The following P4HA1 variants were observed in gnomAD, a reference collection of about 807,000 sequenced individuals.
The protein encoded by P4HA1 is prolyl 4-hydroxylase subunit alpha 1, also known as prolyl 4-hydroxylase subunit alpha-1.
A neutral mutation model predicts 72.8 loss-of-function variants in P4HA1; 24 were observed. The observed-to-expected ratio is 0.33, with a 90% confidence interval of 0.24 to 0.46. P4HA1 has a LOEUF of 0.46. Ranked by LOEUF, P4HA1 falls within the 20% of genes least tolerant of loss-of-function variation. The pLI, the probability that P4HA1 is intolerant of heterozygous loss-of-function variation, is 1.00. For synonymous variants in P4HA1, 201 were observed against 218.8 expected, an observed-to-expected ratio of 0.92 and a Z score of 0.72; for missense variants, 446 against 640.6, an observed-to-expected ratio of 0.70 and a Z score of 3.28.
In P4HA1 at chr10:73,011,013, C is replaced by T; in HGVS notation, c.1393G>A (p.Ala465Thr). 3 of 1,613,656 alleles carry T rather than the reference C, an allele frequency of 1.9e-6. No individual in the cohort carries two copies. The highest frequency in any genetic ancestry group is 2.5e-6 in the Non-Finnish European group (3 of 1,179,674). Reference sequence around the variant, plus strand: ...GCTCCAACTTCAGGAAAAACAGTGGCTCCTCCTGCAGACACATCACTCATC... The same window carrying T: ...GCTCCAACTTCAGGAAAAACAGTGGTTCCTCCTGCAGACACATCACTCATC... ...FYMSDVSAGG[A>T]TVFPEVGASV... The change falls in exon 13 of 15, where the codon GCC becomes ACC. Residue 465 changes from alanine to threonine, a missense_variant. Physicochemically the swap from Ala to Thr is moderately conservative, Grantham distance 58. Transcript: ENST00000394890.
chr10:73,054,195 C>A (rs1428600596), intron 5 of P4HA1, among the ~76,000 whole-genome samples: 3 of 152,130 alleles, frequency 2.0e-5, no homozygotes, highest in Admixed American at 2.0e-4. Context: ...CATAAGCCAC[C>A]GCGCCCGGCC....
chr10:73,044,089 G>A (rs543328525), intron 9 of P4HA1: 2 of 510,406 alleles, frequency 3.9e-6, no homozygotes, highest in East Asian at 3.0e-5. Context: ...TAATGGTCTC[G>A]AATCCACAAA....
chr10:73,084,586 T>C (rs1841888660), intron 1 of P4HA1, among the ~76,000 whole-genome samples: 1 of 152,182 alleles, frequency 6.6e-6, no homozygotes, highest in African/African-American at 2.4e-5. Flanking sequence ...TGTGCTGGGA[T>C]TACAGATGTG....
At chr10:73,031,190 G>A (rs564330764) in intron 9 of P4HA1, among the ~76,000 whole-genome samples, 1 of 152,228 alleles carries the variant, frequency 6.6e-6, no homozygotes, top group African/African-American at 2.4e-5. Flanking sequence ...TCACAAAAAG[G>A]AATAAAGTAC....
At chr10:73,093,842 C>CAAAAAAAA (rs1157986784) in intron 1 of P4HA1, among the ~76,000 whole-genome samples, 2 of 14,014 alleles carry the variant, frequency 1.4e-4, no homozygotes, top group African/African-American at 3.3e-4. Context: ...AACTCCATCT[C>CAAAAAAAA]AAAAAAAAAA....
At chr10:73,047,549 CAAAAAAAAAAAA>C (rs1167975608) in intron 7 of P4HA1, among the ~76,000 whole-genome samples, 5 of 59,120 alleles carry the variant, frequency 8.5e-5, no homozygotes, top group Admixed American at 2.0e-4. Context: ...ATGCTTGTGG[CAAAAAAAAAAAA>C]AAAAAAAAAG....
chr10:73,043,772 C>A, intron 9 of P4HA1: 1 of 785,254 alleles, frequency 1.3e-6, no homozygotes, highest in Non-Finnish European at 2.2e-6. Flanking sequence ...TATTATCAAA[C>A]ATCTATGCCT....
At chr10:73,016,686 A>G (rs1174979381) in intron 11 of P4HA1, among the ~76,000 whole-genome samples, 160 bp downstream of exon 11, 1 of 152,222 alleles carries the variant, frequency 6.6e-6, no homozygotes, top group Non-Finnish European at 1.5e-5. Flanking sequence ...CTGAGGTAGG[A>G]GAATTGCTCC....
chr10:73,029,070 T>C (rs1840368245), intron 10 of P4HA1, among the ~76,000 whole-genome samples: 1 of 151,936 alleles, frequency 6.6e-6, no homozygotes, highest in African/African-American at 2.4e-5. Flanking sequence ...AAGTATCACC[T>C]TTCTAATGAA....
intron 5 of P4HA1, among the ~76,000 whole-genome samples, chr10:73,067,339 A>G (rs766179991): frequency 5.3e-5 from 8 of 152,276 alleles, no homozygotes; most frequent in Middle Eastern, 3.4e-3. Flanking sequence ...CTTGGCCCCA[A>G]CCCAATCTCC....
Position 73,063,388 on chromosome 10 carries a change from C to G in P4HA1, c.463+5458G>C, listed in dbSNP as rs372598326. Among the ~76,000 whole-genome samples the G allele has an allele frequency of 1.1e-4, 17 of 152,310 alleles. No homozygotes were observed. The South Asian group carries it at 2.5e-3, about 22-fold the overall frequency. On this transcript the variant is annotated intron_variant, in intron 5 of 14. Transcript: ENST00000394890. The stretch of plus-strand genomic sequence containing the variant: ...AGCCTCTTTCATAAGGGCCTTAAAT[C>G]CCATTCCTGTAGGCCCCACCTCTTA...
intron 13 of P4HA1, 146 bp from the exon 14 acceptor site, chr10:73,010,049 A>T: frequency 1.1e-5 from 6 of 534,478 alleles, no homozygotes. Context: ...GCTCACTGCA[A>T]CCTCCACCTC....
At chr10:73,050,602 A>C (rs1273950544) in intron 7 of P4HA1, among the ~76,000 whole-genome samples, 2 of 151,712 alleles carry the variant, frequency 1.3e-5, no homozygotes, top group Non-Finnish European at 2.9e-5. Context: ...CAGGAGGCTG[A>C]GGCAGGTGAA....
chr10:73,076,304 T>C (rs1841695774), intron 1 of P4HA1, among the ~76,000 whole-genome samples: 1 of 151,742 alleles, frequency 6.6e-6, no homozygotes, highest in African/African-American at 2.4e-5. Context: ...GCTCAAATCA[T>C]CCTCCCACCT....
chr10:73,078,147 T>C (rs1327582207), intron 1 of P4HA1, among the ~76,000 whole-genome samples: 1 of 145,926 alleles, frequency 6.9e-6, no homozygotes, highest in Non-Finnish European at 1.5e-5. Flanking sequence ...AAGGAGTTCA[T>C]ACAAATCAAT....
intron 12 of P4HA1, among the ~76,000 whole-genome samples, chr10:73,013,055 C>CAG (rs1295725172): frequency 6.6e-6 from 1 of 152,168 alleles, no homozygotes; most frequent in Non-Finnish European, 1.5e-5. Flanking sequence ...CTCGGCCTCT[C>CAG]AAAGTGTTGG....
At chr10:73,026,975 T>C (rs901077613) in intron 10 of P4HA1, among the ~76,000 whole-genome samples, 7 of 152,082 alleles carry the variant, frequency 4.6e-5, no homozygotes, top group African/African-American at 1.2e-4. Flanking sequence ...TGTGGAGAAA[T>C]AGGAATGCTT....
At chr10:73,038,838 G>A (rs1285619289) in intron 9 of P4HA1, among the ~76,000 whole-genome samples, 1 of 111,872 alleles carries the variant, frequency 8.9e-6, no homozygotes, top group Admixed American at 8.1e-5. Flanking sequence ...GTTTTAGCCG[G>A]GATGGTCTCG....
At chr10:73,014,562 T>G (rs565864137) in intron 11 of P4HA1, among the ~76,000 whole-genome samples, 1 of 152,220 alleles carries the variant, frequency 6.6e-6, no homozygotes, top group African/African-American at 2.4e-5. Context: ...TGTGAGCCAC[T>G]GTACCTGGCC....
Sources: gnomAD v4.1 joint callset for allele counts (sites outside exome capture counted in the v4.1 genomes callset) on GRCh38, gnomAD v4.1.1 for gene constraint, MANE v1.5 for transcripts, NCBI Gene and HGNC (gene_info 2026-07-23, HGNC 2026-07-21) for gene names.